Variants in BABAM2 observed in about 807,000 individuals in gnomAD.
The protein encoded by BABAM2 is BRISC and BRCA1-A complex member 2.
BABAM2 carries 31 observed loss-of-function variants against 54.7 expected under a neutral mutation model. The ratio of observed to expected loss-of-function variants is 0.57; its 90% CI spans 0.43 to 0.77. The LOEUF (loss-of-function observed/expected upper bound fraction) is 0.77. BABAM2 is among the 30% of genes least tolerant of loss of function. The pLI is 0.00. For missense variants in BABAM2, 364 were observed against 455.8 expected (o/e 0.80, Z 1.83); for synonymous variants, 167 against 162.9 (o/e 1.03, Z -0.19).
chr2:28,211,803 A>G (rs1200009548), intron 7 of BABAM2, among the ~76,000 whole-genome samples: 1 of 152,206 alleles, frequency 6.6e-6, no homozygotes. Flanking sequence ...ATGTCTTAAA[A>G]AAATATAGAA....
chr2:28,283,119 G>A (rs537579726), intron 10 of BABAM2, among the ~76,000 whole-genome samples: 2 of 151,844 alleles, frequency 1.3e-5, no homozygotes, highest in Admixed American at 6.6e-5. Context: ...TACAGCTATT[G>A]TAGTGGCAGT....
At chr2:27,938,609 C>T (rs2148374274) in intron 3 of BABAM2, among the ~76,000 whole-genome samples, 1 of 152,006 alleles carries the variant, frequency 6.6e-6, no homozygotes, top group East Asian at 1.9e-4. Context: ...CCAGGCTGGT[C>T]TCGAACTCCT....
At chr2:28,187,494 G>A (rs2147906888) in intron 7 of BABAM2, among the ~76,000 whole-genome samples, 1 of 152,222 alleles carries the variant, frequency 6.6e-6, no homozygotes, top group Non-Finnish European at 1.5e-5. Flanking sequence ...AGAGTCCCAG[G>A]AACAGTTCAT....
At chr2:28,163,538 T>C (rs1367069170) in intron 7 of BABAM2, among the ~76,000 whole-genome samples, 1 of 152,158 alleles carries the variant, frequency 6.6e-6, no homozygotes, top group Non-Finnish European at 1.5e-5. Context: ...CCCTGCCAGA[T>C]ATCTAATAGA....
intron 6 of BABAM2, among the ~76,000 whole-genome samples, chr2:28,085,237 A>G (rs1239182178): frequency 1.1e-4 from 16 of 152,220 alleles, no homozygotes; most frequent in Admixed American, 1.0e-3. Flanking sequence ...AAATTGTTTT[A>G]AGGTGCATAT....
intron 7 of BABAM2, among the ~76,000 whole-genome samples, chr2:28,165,524 C>T (rs1190765634): frequency 3.9e-4 from 49 of 125,960 alleles, no homozygotes; most frequent in Admixed American, 6.1e-4. Flanking sequence ...TTTTTTTTTT[C>T]CTTGCTTTTT....
chr2:27,986,012 C>T (rs539822942), intron 3 of BABAM2, among the ~76,000 whole-genome samples: 1 of 152,086 alleles, frequency 6.6e-6, no homozygotes, highest in East Asian at 1.9e-4. Context: ...TTAGTGGGCT[C>T]ATAAAGGATG....
chr2:28,030,909 A>G (rs1456645378), intron 5 of BABAM2, among the ~76,000 whole-genome samples: 1 of 152,196 alleles, frequency 6.6e-6, no homozygotes, highest in Non-Finnish European at 1.5e-5. Flanking sequence ...AGAAACTTGC[A>G]GATATGCTCT....
intron 7 of BABAM2, among the ~76,000 whole-genome samples, chr2:28,188,164 A>T (rs1676525492): frequency 6.6e-6 from 1 of 152,114 alleles, no homozygotes. Flanking sequence ...CGCCTCGTTC[A>T]TTTGCTCTAG....
chr2:27,918,791 C>G (rs1005326483), intron 2 of BABAM2, among the ~76,000 whole-genome samples: 1 of 152,006 alleles, frequency 6.6e-6, no homozygotes, highest in Non-Finnish European at 1.5e-5. Context: ...CTGGCTCAGG[C>G]GATCCTCCCA....
intron 6 of BABAM2, among the ~76,000 whole-genome samples, chr2:28,078,416 A>G (rs1383454498): frequency 2.0e-5 from 3 of 152,110 alleles, no homozygotes; most frequent in Non-Finnish European, 4.4e-5. Flanking sequence ...TTAAGTGAAA[A>G]GGTGAAAGTT....
chr2:28,194,526 G>A (rs534473373), intron 7 of BABAM2, among the ~76,000 whole-genome samples: 4 of 148,414 alleles, frequency 2.7e-5, no homozygotes, highest in Non-Finnish European at 3.0e-5. Context: ...TAATGAAACC[G>A]TAATTTTCAG....
intron 3 of BABAM2, among the ~76,000 whole-genome samples, chr2:27,935,486 C>G (rs1319702264): frequency 6.6e-6 from 1 of 152,126 alleles, no homozygotes; most frequent in East Asian, 1.9e-4. Flanking sequence ...TGCAGATAAG[C>G]AAAGAAAGTA....
intron 7 of BABAM2, among the ~76,000 whole-genome samples, chr2:28,192,058 A>G (rs184918615): frequency 0.013 from 1,917 of 152,222 alleles, 41 homozygotes; most frequent in African/African-American, 0.044. Context: ...TTTTTGAGAC[A>G]GAGTCTCACT....
chr2:28,026,875 T>TATATAG (rs2148568968), intron 5 of BABAM2, among the ~76,000 whole-genome samples: 1 of 47,174 alleles, frequency 2.1e-5, no homozygotes, highest in African/African-American at 9.9e-5. Context: ...TATATATATT[T>TATATAG]ATATATATAT....
intron 4 of BABAM2, among the ~76,000 whole-genome samples, chr2:28,008,588 A>G (rs1200404517): frequency 1.3e-5 from 2 of 152,186 alleles, no homozygotes; most frequent in Non-Finnish European, 2.9e-5. Flanking sequence ...ATGCTCCGTA[A>G]TTCCTTAATC....
intron 10 of BABAM2, among the ~76,000 whole-genome samples, chr2:28,290,251 T>A (rs963506464): frequency 3.3e-5 from 5 of 152,334 alleles, no homozygotes; most frequent in Non-Finnish European, 5.9e-5. Context: ...ACATTTAAGA[T>A]GTTTCCAGTT....
chr2:27,999,123 C>T (rs188314215), intron 4 of BABAM2, among the ~76,000 whole-genome samples: 10 of 152,106 alleles, frequency 6.6e-5, no homozygotes, highest in African/African-American at 2.4e-4. Context: ...AGACTATTAT[C>T]TTACTTGTCT....
chr2:28,016,376 C>G (rs1230867544), intron 4 of BABAM2: 5 of 1,369,172 alleles, frequency 3.7e-6, no homozygotes, highest in Non-Finnish European at 5.2e-6. Flanking sequence ...AGGCCTTGAT[C>G]GATTCAGATA....
Sources: gnomAD v4.1 joint callset for allele counts (sites outside exome capture counted in the v4.1 genomes callset) on GRCh38, gnomAD v4.1.1 for gene constraint, MANE v1.5 for transcripts, NCBI Gene and HGNC (gene_info 2026-07-23, HGNC 2026-07-21) for gene names.